Variants in PHF11 observed in about 807,000 individuals in gnomAD.
The protein encoded by PHF11 is BRCA1 C-terminus-associated protein.
PHF11 carries 38 observed loss-of-function variants against 40.5 expected under a neutral mutation model. That is an observed-to-expected ratio of 0.94 (90% confidence interval 0.72 to 1.23). The LOEUF is 1.23. Among genes scored for constraint, PHF11 ranks in the 50% most tolerant of loss-of-function variants. The pLI is 0.00. For synonymous variants in PHF11, 127 were observed against 138.2 expected (o/e 0.92, Z 0.57); for missense variants, 369 against 392.4 (o/e 0.94, Z 0.50).
chr13:49,503,744 C>T (rs561945001), intron 1 of PHF11, among the ~76,000 whole-genome samples: 5 of 152,134 alleles, frequency 3.3e-5, no homozygotes, highest in East Asian at 3.9e-4. Flanking sequence ...TTGTTTGTGT[C>T]GTTTTTGAGA....
chr13:49,520,996 A>G, intron 5 of PHF11, 56 bp downstream of exon 5: 4 of 1,501,932 alleles, frequency 2.7e-6, no homozygotes, highest in Non-Finnish European at 3.6e-6. Flanking sequence ...CATTTATGTA[A>G]CATAAGGAAT....
In PHF11 at chr13:49,522,059, GAA is replaced by G. The variant is rs764745617; in HGVS notation, c.525_526del (p.Arg176LysfsTer22). Reference protein sequence around the residue: ...IAQSAKFSGVKRKRGRKKPLS... With the variant: ...IAQSAKFSGVXRKRGRKKPLS... ...TATTTTTAGCTAAATTTTCAGGAGT[GAA>G]AAGAAAAAGAGGAAGGAAGAAACCC... On this transcript the variant is annotated frameshift_variant, in exon 6 of 10. Transcript: ENST00000378319. LOFTEE classifies it high-confidence loss of function. 2.0e-6 allele frequency: 3 copies of G among 1,536,230 alleles called. No individual in the cohort carries two copies. The highest frequency in any genetic ancestry group is 2.7e-6 in the Non-Finnish European group (3 of 1,111,550).
chr13:49,515,896 C>T (rs1291482470), intron 3 of PHF11, among the ~76,000 whole-genome samples: 1 of 152,172 alleles, frequency 6.6e-6, no homozygotes, highest in Admixed American at 6.5e-5. Context: ...TGACCCAGCC[C>T]TTACTTACCC....
chr13:49,498,655 C>G (rs976598703), intron 1 of PHF11, among the ~76,000 whole-genome samples: 6 of 152,160 alleles, frequency 3.9e-5, no homozygotes, highest in African/African-American at 1.4e-4. Context: ...TAACGTAATA[C>G]ATTTCAGATA....
Position 49,506,640 on chromosome 13 carries a change from T to G in PHF11, c.100T>G (p.Phe34Val). The G allele has an allele frequency of 1.2e-6, 2 of 1,613,508 alleles. No homozygotes were observed. The highest frequency in any genetic ancestry group is 1.7e-6 in the Non-Finnish European group (2 of 1,179,696). ...QEALLLPTGVFQVAEKMEKRT... is the reference protein window; with the variant it reads ...QEALLLPTGVVQVAEKMEKRT... ...ACCAGGGATATTACTTATAGGTGTC[T>G]TTCAGGTTGCAGAAAAGATGGAAAA... The change falls in exon 2 of 10, where the codon TTT (phenylalanine) becomes GTT (valine). Residue 34 changes from phenylalanine (F) to valine (V), a missense_variant. Transcript: ENST00000378319.
chr13:49,518,659 T>G (rs1350640263), intron 4 of PHF11: 3 of 152,178 alleles, frequency 2.0e-5, no homozygotes, highest in African/African-American at 4.8e-5. Flanking sequence ...AGGAGGAAAC[T>G]GGGGCCTTGA....
At chr13:49,507,116 A>T (rs1255508621) in intron 2 of PHF11, among the ~76,000 whole-genome samples, 1 of 152,012 alleles carries the variant, frequency 6.6e-6, no homozygotes, top group African/African-American at 2.4e-5. Flanking sequence ...CGTGTTAGCC[A>T]GGATGATCTC....
chr13:49,526,304 C>T, intron 8 of PHF11, 83 bp from the exon 9 acceptor site: 1 of 838,130 alleles, frequency 1.2e-6, no homozygotes, highest in East Asian at 2.6e-5. Flanking sequence ...CTTTCCTTTC[C>T]CCTGTTTTGG....
At chr13:49,496,212 C>T (rs1405935039) in intron 1 of PHF11, 117 bp downstream of exon 1, 42 of 690,168 alleles carry the variant, frequency 6.1e-5, no homozygotes, top group Non-Finnish European at 2.4e-5. Context: ...CTACTCCGGG[C>T]CGGGGCCCTA....
rs187180133 is a variant in PHF11 at position 49,521,078 on chromosome 13, G to T, written c.505+138G>T. On this transcript the variant is annotated intron_variant, in intron 5 of 9. Transcript: ENST00000378319. ...TAAAATTTTACACATCTAGAAAATT[G>T]ACAACTTCTTTGTGTACTATGTGAT... 446 of 1,387,806 alleles carry T rather than the reference G, an allele frequency of 3.2e-4. 1 individual carries two copies. In the African/African-American group the frequency reaches 6.1e-3, roughly 19 times the overall value. 86.0% of individuals were successfully genotyped at this position (1,387,806 alleles called of 1,614,324 possible). A position where few individuals can be genotyped will look rare whatever the true frequency, so the allele number is the denominator to read the frequency against.
chr13:49,516,188 T>C (rs1959151531), intron 3 of PHF11, among the ~76,000 whole-genome samples: 1 of 152,150 alleles, frequency 6.6e-6, no homozygotes, highest in Non-Finnish European at 1.5e-5. Flanking sequence ...CCTATTTTAA[T>C]TCGATATAAT....
chr13:49,509,892 T>C (rs1845221857), intron 2 of PHF11, among the ~76,000 whole-genome samples: 1 of 152,232 alleles, frequency 6.6e-6, no homozygotes, highest in African/African-American at 2.4e-5. Flanking sequence ...GAGAACTGAC[T>C]AATACACAAG....
intron 2 of PHF11, among the ~76,000 whole-genome samples, chr13:49,511,436 CCTGCCT>C (rs1362762621): frequency 2.0e-5 from 3 of 150,046 alleles, no homozygotes. Flanking sequence ...AAGCAGTTCT[CCTGCCT>C]CAGCCTCGCG....
rs1329083974 is a variant in PHF11, at chr13:49,506,579, T to A, written c.95-56T>A. On this transcript the variant is annotated intron_variant, in intron 1 of 9. Coordinates refer to ENST00000378319, the MANE Select transcript of PHF11 (RefSeq NM_001040443.3). ...TTCCACTTGAAGACTGGAAGAGGAG[T>A]TAGTGAGACCAAGAAATTCCACTTT... 3.2e-6 allele frequency: 5 copies of A among 1,552,648 alleles called. No homozygotes were observed. The East Asian group carries it at 1.1e-4, about 35-fold the overall frequency.
chr13:49,520,050 TG>T (rs369883538), intron 4 of PHF11, among the ~76,000 whole-genome samples: 9 of 151,918 alleles, frequency 5.9e-5, no homozygotes, highest in African/African-American at 1.2e-4. Context: ...TCATTTCTTT[TG>T]TTTTGTTTTG....
chr13:49,512,837 G>A (rs970955924), intron 2 of PHF11, among the ~76,000 whole-genome samples: 1 of 152,176 alleles, frequency 6.6e-6, no homozygotes, highest in African/African-American at 2.4e-5. Flanking sequence ...TGAGTTATTA[G>A]AGGTCAGGAT....
Position 49,506,738 on chromosome 13 carries a change from T to C in PHF11, c.198T>C (p.Ala66=), listed in dbSNP as rs761322369. 1 of 1,608,244 alleles carries C rather than the reference T, an allele frequency of 6.2e-7. No individual in the cohort carries two copies. Among genetic ancestry groups the C allele is most frequent in the Non-Finnish European group, 8.5e-7 (1 of 1,175,546 alleles). The change falls in exon 2 of 10, where the codon GCT becomes GCC. Residue 66 remains alanine, a synonymous_variant. Coordinates refer to ENST00000378319, the MANE Select transcript of PHF11 (RefSeq NM_001040443.3). ...VLYFAQSENI[A]AHENCLLYSS... is the part of the protein sequence containing the mutation. ...ACTTTGCACAATCAGAGAATATAGC[T>C]GCTCATGAGAATTGTTTGGTAAGTT...
At position 49,513,086 on chromosome 13, in the gene PHF11, G is replaced by A; in HGVS notation, c.244G>A (p.Glu82Lys). ...GTATTCTTCAGGACTTGTGGAATGT[G>A]AGGATCAGGATCCACTTAATCCTGA... ...LLYSSGLVEC[E>K]DQDPLNPDRS... Residue 82 changes from glutamate (E) to lysine (K), a missense_variant, in exon 3 of 10, where the codon GAG becomes AAG. By Grantham distance (56) the Glu-to-Lys change is moderately conservative. Coordinates refer to ENST00000378319, the MANE Select transcript of PHF11 (RefSeq NM_001040443.3). The A allele has an allele frequency of 6.3e-7, 1 of 1,592,620 alleles. No individual in the cohort carries two copies. Among genetic ancestry groups the A allele is most frequent in the Middle Eastern group, 1.7e-4 (1 of 6,018 alleles).
chr13:49,505,294 G>A (rs1184225273), intron 1 of PHF11, among the ~76,000 whole-genome samples: 1 of 151,676 alleles, frequency 6.6e-6, no homozygotes, highest in African/African-American at 2.4e-5. Flanking sequence ...TTGTGTCCCC[G>A]GTAGGTGGGA....
Sources: gnomAD v4.1 joint callset for allele counts (sites outside exome capture counted in the v4.1 genomes callset) on GRCh38, gnomAD v4.1.1 for gene constraint, MANE v1.5 for transcripts, NCBI Gene and HGNC (gene_info 2026-07-23, HGNC 2026-07-21) for gene names.